Variants in ATP13A4 observed in about 807,000 individuals in gnomAD.
The protein encoded by ATP13A4 is probable cation-transporting ATPase 13A4.
In ATP13A4, 114 loss-of-function variants were observed where a neutral mutation model predicts 142.5. The observed-to-expected ratio is 0.80, with a 90% CI of 0.69 to 0.93. The LOEUF (loss-of-function observed/expected upper bound fraction) is 0.93. Among genes scored for constraint, ATP13A4 ranks in the 40% least tolerant of loss-of-function variants. The pLI is 0.00. For synonymous variants in ATP13A4, 488 were observed against 514.8 expected, an observed-to-expected ratio of 0.95 and a Z score of 0.70; for missense variants, 1,392 against 1,454.0, an observed-to-expected ratio of 0.96 and a Z score of 0.69.
chr3:193,470,725 G>A lies in ATP13A4; in HGVS notation c.943+134C>T, dbSNP rs551085468. 4.5e-5 allele frequency: 57 copies of A among 1,278,872 alleles called. No homozygotes were observed. In the Middle Eastern group the frequency reaches 1.3e-3, roughly 29 times the overall value. The allele number at this position is 1,278,872 out of a possible 1,614,324, so 79.2% of individuals were successfully genotyped here. ...AGGACTAAGTAAGATTTGTGGCAAC[G>A]GGAAGGTCCCATAGCAGCCAGTGCT... On this transcript the variant is annotated intron_variant, in intron 9 of 29. Transcript: ENST00000342695.
At chr3:193,544,877 G>A (rs930665778) in intron 1 of ATP13A4, among the ~76,000 whole-genome samples, 13 of 152,262 alleles carry the variant, frequency 8.5e-5, no homozygotes, top group African/African-American at 3.1e-4. Flanking sequence ...AAGTCAATCT[G>A]CCTATGCTTA....
chr3:193,444,542 T>C (rs367953350), intron 18 of ATP13A4, among the ~76,000 whole-genome samples: 1 of 152,176 alleles, frequency 6.6e-6, no homozygotes, highest in South Asian at 2.1e-4. Flanking sequence ...TCTGGGTAAA[T>C]ATAAAAGTCT....
At chr3:193,442,271 T>G in intron 19 of ATP13A4, 122 bp downstream of exon 19, 1 of 1,036,498 alleles carries the variant, frequency 9.6e-7, no homozygotes, top group Non-Finnish European at 1.5e-6. Context: ...GTAACTGAGT[T>G]CGTTCAAAAG....
intron 1 of ATP13A4, among the ~76,000 whole-genome samples, chr3:193,584,898 G>A (rs989342571): frequency 6.6e-6 from 1 of 152,156 alleles, no homozygotes; most frequent in Non-Finnish European, 1.5e-5. Context: ...ATGTGTTCAT[G>A]TAACTGAGAC....
At chr3:193,528,729 C>T (rs1337140437) in intron 1 of ATP13A4, among the ~76,000 whole-genome samples, 2 of 152,088 alleles carry the variant, frequency 1.3e-5, no homozygotes, top group Non-Finnish European at 2.9e-5. Context: ...TTTTACTAAT[C>T]AGAAAATAAA....
intron 16 of ATP13A4, among the ~76,000 whole-genome samples, chr3:193,455,853 G>T (rs1283711762): frequency 6.6e-6 from 1 of 152,212 alleles, no homozygotes; most frequent in Non-Finnish European, 1.5e-5. Context: ...ATACTAGGCA[G>T]CCATAAAAAA....
chr3:193,580,189 A>G (rs991183309), intron 2 of ATP13A4, among the ~76,000 whole-genome samples: 9 of 152,154 alleles, frequency 5.9e-5, no homozygotes, highest in African/African-American at 2.2e-4. Context: ...TCTCCTGCTG[A>G]TATAGCCTGG....
chr3:193,508,166 T>C (rs1298032979), intron 2 of ATP13A4, among the ~76,000 whole-genome samples: 1 of 152,022 alleles, frequency 6.6e-6, no homozygotes, highest in Non-Finnish European at 1.5e-5. Flanking sequence ...AGAAACCAAC[T>C]CTCCTGGCCC....
At chr3:193,437,825 AT>A (rs372139378) in intron 23 of ATP13A4, among the ~76,000 whole-genome samples, 6,071 of 102,800 alleles carry the variant, frequency 0.059, 197 homozygotes, top group African/African-American at 0.14. Flanking sequence ...GCCAATAAAG[AT>A]TTTTTTTTTT....
intron 2 of ATP13A4, among the ~76,000 whole-genome samples, chr3:193,509,802 C>T (rs577617108): frequency 3.7e-4 from 56 of 152,248 alleles, no homozygotes; most frequent in African/African-American, 1.3e-3. Context: ...TAAGTAGAGA[C>T]AACACCTACT....
At chr3:193,468,471 G>A (rs938761674) in intron 9 of ATP13A4, among the ~76,000 whole-genome samples, 1 of 152,144 alleles carries the variant, frequency 6.6e-6, no homozygotes, top group Non-Finnish European at 1.5e-5. Flanking sequence ...GGAAGTGGCC[G>A]GGTGTAGTGG....
At chr3:193,461,710 A>AT (rs1717954619) in intron 13 of ATP13A4, among the ~76,000 whole-genome samples, 1 of 152,262 alleles carries the variant, frequency 6.6e-6, no homozygotes, top group African/African-American at 2.4e-5. Context: ...GATTTAAGTT[A>AT]TAAGTGTTAG....
At chr3:193,450,331 G>A (rs1283480957) in intron 17 of ATP13A4, among the ~76,000 whole-genome samples, 1 of 152,176 alleles carries the variant, frequency 6.6e-6, no homozygotes, top group Non-Finnish European at 1.5e-5. Flanking sequence ...CTCAGCAAAT[G>A]TGTGCCTAGT....
intron 3 of ATP13A4, among the ~76,000 whole-genome samples, chr3:193,495,857 A>G (rs1720194673): frequency 6.6e-6 from 1 of 152,146 alleles, no homozygotes; most frequent in African/African-American, 2.4e-5. Context: ...AAACTAATAA[A>G]CAAATTCAGT....
At chr3:193,456,229 TTCTG>T (rs1717602561) in intron 16 of ATP13A4, among the ~76,000 whole-genome samples, 2 of 152,086 alleles carry the variant, frequency 1.3e-5, no homozygotes, top group Non-Finnish European at 1.5e-5. Context: ...CTCTAAGGAT[TTCTG>T]TCTAATTGAG....
chr3:193,461,171 T>C (rs1717924332), intron 13 of ATP13A4, among the ~76,000 whole-genome samples: 1 of 152,208 alleles, frequency 6.6e-6, no homozygotes, highest in Non-Finnish European at 1.5e-5. Context: ...ATTCCTTAAA[T>C]GTAACAAGTC....
chr3:193,572,179 C>T (rs1026219615), intron 2 of ATP13A4, among the ~76,000 whole-genome samples: 1 of 152,086 alleles, frequency 6.6e-6, no homozygotes, highest in Non-Finnish European at 1.5e-5. Flanking sequence ...GCTCCAGAGG[C>T]AGAGGTTGCA....
intron 26 of ATP13A4, 29 bp from the exon 27 acceptor site, chr3:193,412,400 A>C (rs755391053): frequency 4.4e-6 from 7 of 1,602,782 alleles, no homozygotes; most frequent in South Asian, 1.1e-5. Flanking sequence ...GAAGCTAATG[A>C]AGTAAGATTG....
chr3:193,468,117 T>C (rs141402806), intron 9 of ATP13A4, among the ~76,000 whole-genome samples: 2,116 of 152,018 alleles, frequency 0.014, 56 homozygotes, highest in African/African-American at 0.048. Flanking sequence ...AGGCAGAGGT[T>C]GTGGTGAGCC....
Sources: allele counts gnomAD v4.1 joint callset (sites outside exome capture counted in the v4.1 genomes callset), GRCh38; gene constraint gnomAD v4.1.1; transcripts MANE v1.5; gene names NCBI Gene and HGNC (gene_info 2026-07-23, HGNC 2026-07-21).